ARPC5: variants seen among roughly 807,000 people sequenced by gnomAD.
The protein encoded by ARPC5 is actin-related protein 2/3 complex subunit 5.
In ARPC5, 5 loss-of-function variants were observed where a neutral mutation model predicts 15.4. The observed-to-expected ratio is 0.32, with a 90% CI of 0.17 to 0.68. The LOEUF is 0.68. Among genes scored for constraint, ARPC5 ranks in the 30% least tolerant of loss-of-function variants. The probability of loss-of-function intolerance (pLI) is 0.71; values close to 1 mark genes in which losing one functional copy is unlikely to be tolerated. For synonymous variants in ARPC5, 85 were observed against 72.2 expected (o/e 1.18, Z -0.90); for missense variants, 138 against 192.8 (o/e 0.72, Z 1.68).
At chr1:183,630,828 TC>T in intron 2 of ARPC5, 191 bp from the exon 3 acceptor site, 1 of 507,886 alleles carries the variant, frequency 2.0e-6, no homozygotes, top group Non-Finnish European at 3.3e-6. Flanking sequence ...TTCAGTGTGT[TC>T]CAGGAACAGA....
In ARPC5 at chr1:183,623,881, G is replaced by C. The variant is rs1649007688; in HGVS notation, c.*3651C>G. On this transcript the variant is annotated 3_prime_UTR_variant, in exon 4 of 4. Coordinates refer to ENST00000359856, the MANE Select transcript of ARPC5 (RefSeq NM_005717.4). ...CTCCTAAAAATACAAAAATTAGCTGGGCACGGTGATGCGTGCCTGTAATCC... is the reference window on the plus strand; with the variant it reads ...CTCCTAAAAATACAAAAATTAGCTGCGCACGGTGATGCGTGCCTGTAATCC... The C allele has an allele frequency of 9.3e-6, 2 of 215,316 alleles. No individual in the cohort carries two copies. Among genetic ancestry groups the C allele is most frequent in the Non-Finnish European group, 1.9e-5 (2 of 106,996 alleles). 13.3% of individuals were successfully genotyped at this position (215,316 alleles called of 1,614,324 possible).
intron 1 of ARPC5, chr1:183,634,068 C>G (rs2101958647): frequency 6.6e-6 from 1 of 152,288 alleles, no homozygotes. Flanking sequence ...AAAGTCACCA[C>G]AAATTACCTA....
intron 2 of ARPC5, 30 bp downstream of exon 2, chr1:183,633,052 G>C (rs1649312786): frequency 6.6e-7 from 1 of 1,514,498 alleles, no homozygotes; most frequent in African/African-American, 1.4e-5. Context: ...GATATCAGCA[G>C]AGATCACTGT....
chr1:183,623,459 A>G lies in ARPC5; in HGVS notation c.*4073T>C, dbSNP rs16861256. ...CCGGGCCTCCTCCATATCTGGAATC[A>G]TACAAGAGGCACCTGCACAGAACGT... On this transcript the variant is annotated 3_prime_UTR_variant, in exon 4 of 4. Coordinates refer to ENST00000359856, the MANE Select transcript of ARPC5 (RefSeq NM_005717.4). 0.04 allele frequency: 62,156 copies of G among 1,550,240 alleles called. 2,524 individuals carry two copies. The highest frequency in any genetic ancestry group is 0.21 in the African/African-American group (15,044 of 73,024).
In ARPC5 at chr1:183,635,660, C is replaced by G; in HGVS notation, c.-1G>C. 6 of 1,611,054 alleles carry G rather than the reference C, an allele frequency of 3.7e-6. No individual in the cohort carries two copies. Among genetic ancestry groups the G allele is most frequent in the Non-Finnish European group, 5.1e-6 (6 of 1,178,582 alleles). ...CCGACGACACTGTGTTCTTCGACAT[C>G]CCAATCCCGACCAGCGGCAAAGGCC... On this transcript the variant is annotated 5_prime_UTR_variant, in exon 1 of 4. Coordinates refer to ENST00000359856, the MANE Select transcript of ARPC5 (RefSeq NM_005717.4).
chr1:183,623,623 C>T lies in ARPC5; in HGVS notation c.*3909G>A, dbSNP rs1371467312. ...ACTTGGTTCTACAGAGGCCGTTGGT[C>T]TGTTCCTTAATTGGGTGTGTTTTTC... is the stretch of plus-strand genomic sequence containing the variant. On this transcript the variant is annotated 3_prime_UTR_variant, in exon 4 of 4. Transcript: ENST00000359856. The T allele has an allele frequency of 4.9e-6, 5 of 1,018,520 alleles. No individual in the cohort carries two copies. In the East Asian group the frequency reaches 1.0e-4, roughly 21 times the overall value. The allele number at this position is 1,018,520 out of a possible 1,614,324, so 63.1% of individuals were successfully genotyped here. A position where few individuals can be genotyped will look rare whatever the true frequency, so the allele number is the denominator to read the frequency against.
At position 183,623,258 on chromosome 1, in the gene ARPC5, T is replaced by C; in HGVS notation, c.*4274A>G. On this transcript the variant is annotated 3_prime_UTR_variant, in exon 4 of 4. Coordinates refer to ENST00000359856, the MANE Select transcript of ARPC5 (RefSeq NM_005717.4). ...AACTGTTTCAGAGAGAAATAAGAGA[T>C]GTAAACATAGATTATTTATGTTGAT... is the stretch of plus-strand genomic sequence containing the variant. 3.0e-6 allele frequency: 2 copies of C among 671,184 alleles called. No homozygotes were observed. The highest frequency in any genetic ancestry group is 2.7e-5 in the East Asian group (1 of 36,408). 41.6% of individuals were successfully genotyped at this position (671,184 alleles called of 1,614,324 possible).
chr1:183,621,380 A>G lies in ARPC5; in HGVS notation c.*6152T>C, dbSNP rs116742418. On this transcript the variant is annotated 3_prime_UTR_variant, in exon 4 of 4. Coordinates refer to ENST00000359856, the MANE Select transcript of ARPC5 (RefSeq NM_005717.4). Reference sequence around the variant, plus strand: ...AACTGCAAAAGATCAGAAACCACCTAAATCAATAGGGAAATGGTTAAGTAA... The same window carrying G: ...AACTGCAAAAGATCAGAAACCACCTGAATCAATAGGGAAATGGTTAAGTAA... 9.1e-4 allele frequency: 138 copies of G among 152,356 alleles called. No homozygotes were observed. Among genetic ancestry groups the G allele is most frequent in the African/African-American group, 3.3e-3 (138 of 41,584 alleles). The allele number at this position is 152,356 out of a possible 1,614,324, so 9.4% of individuals were successfully genotyped here. A position where few individuals can be genotyped will look rare whatever the true frequency, so the allele number is the denominator to read the frequency against.
chr1:183,623,390 G>A lies in ARPC5; in HGVS notation c.*4142C>T. The stretch of plus-strand genomic sequence containing the variant: ...GTTGGATCATCAATGTGGTGAAGTA[G>A]CACCACCTTGAGGCAGATGACATGC... On this transcript the variant is annotated 3_prime_UTR_variant, in exon 4 of 4. Coordinates refer to ENST00000359856, the MANE Select transcript of ARPC5 (RefSeq NM_005717.4). The A allele has an allele frequency of 6.5e-7, 1 of 1,546,370 alleles. No individual in the cohort carries two copies. The highest frequency in any genetic ancestry group is 8.7e-7 in the Non-Finnish European group (1 of 1,143,178).
chr1:183,622,882 T>C lies in ARPC5; in HGVS notation c.*4650A>G, dbSNP rs1227990022. 1 of 153,354 alleles carries C rather than the reference T, an allele frequency of 6.5e-6. No homozygotes were observed. The highest frequency in any genetic ancestry group is 1.9e-4 in the East Asian group (1 of 5,220). 9.5% of individuals were successfully genotyped at this position (153,354 alleles called of 1,614,324 possible). Reference sequence around the variant, plus strand: ...AGGGTATTTGAACCCAAGAATTATTTTACTCTTTGTATAGTTCTCAATTTG... The same window carrying C: ...AGGGTATTTGAACCCAAGAATTATTCTACTCTTTGTATAGTTCTCAATTTG... On this transcript the variant is annotated 3_prime_UTR_variant, in exon 4 of 4. Transcript: ENST00000359856.
In ARPC5 at chr1:183,627,421, C is replaced by A; in HGVS notation, c.*111G>T. ...TTACAGATATGAAAAAGCAAGAAGG[C>A]AAAGCTGAGAGAAACAGATGCTACC... is the stretch of plus-strand genomic sequence containing the variant. On this transcript the variant is annotated 3_prime_UTR_variant, in exon 4 of 4. Coordinates refer to ENST00000359856, the MANE Select transcript of ARPC5 (RefSeq NM_005717.4). 1 of 889,390 alleles carries A rather than the reference C, an allele frequency of 1.1e-6. No individual in the cohort carries two copies. The highest frequency in any genetic ancestry group is 2.0e-5 in the Admixed American group (1 of 49,482). The allele number at this position is 889,390 out of a possible 1,614,324, so 55.1% of individuals were successfully genotyped here.
Position 183,626,576 on chromosome 1 carries a change from T to C in ARPC5, c.*956A>G, listed in dbSNP as rs1348944663. 1 of 152,644 alleles carries C rather than the reference T, an allele frequency of 6.6e-6. No homozygotes were observed. The highest frequency in any genetic ancestry group is 2.4e-5 in the African/African-American group (1 of 41,462). 9.5% of individuals were successfully genotyped at this position (152,644 alleles called of 1,614,324 possible). On this transcript the variant is annotated 3_prime_UTR_variant, in exon 4 of 4. Transcript: ENST00000359856. The stretch of plus-strand genomic sequence containing the variant: ...TGGATCTGAACCAAATCTTTTGAGA[T>C]CCCAACTACCCTGAAGAACACTGAA...
chr1:183,633,818 T>C (rs754864332), intron 1 of ARPC5: 9 of 152,200 alleles, frequency 5.9e-5, no homozygotes, highest in Non-Finnish European at 5.9e-5. Context: ...AGGCTCTCTT[T>C]GAAAGCACTA....
rs1171632995 is a variant in ARPC5, at chr1:183,627,019, C to T, written c.*513G>A. ...ATAACTTAGCAGTGGTATTCACCCA[C>T]CACTTATTCCAAAAACATATTTTGC... On this transcript the variant is annotated 3_prime_UTR_variant, in exon 4 of 4. Transcript: ENST00000359856. 1.3e-5 allele frequency: 2 copies of T among 154,290 alleles called. No individual in the cohort carries two copies. Among genetic ancestry groups the T allele is most frequent in the African/African-American group, 2.4e-5 (1 of 41,436 alleles). The allele number at this position is 154,290 out of a possible 1,614,324, so 9.6% of individuals were successfully genotyped here.
At chr1:183,628,917 C>A (rs1410709010) in intron 3 of ARPC5, among the ~76,000 whole-genome samples, 1 of 152,166 alleles carries the variant, frequency 6.6e-6, no homozygotes, top group Non-Finnish European at 1.5e-5. Context: ...TTAAAGATAT[C>A]ATTTTGATGG....
intron 3 of ARPC5, among the ~76,000 whole-genome samples, chr1:183,629,034 C>A (rs1012952681): frequency 3.9e-5 from 6 of 152,156 alleles, no homozygotes; most frequent in African/African-American, 1.4e-4. Context: ...GCATTAGATA[C>A]GCTTGAACAG....
rs890453789 is a variant in ARPC5, at chr1:183,623,873, A to C, written c.*3659T>G. 19 of 219,436 alleles carry C rather than the reference A, an allele frequency of 8.7e-5. No homozygotes were observed. Among genetic ancestry groups the C allele is most frequent in the Non-Finnish European group, 1.6e-4 (17 of 109,342 alleles). The allele number at this position is 219,436 out of a possible 1,614,324, so 13.6% of individuals were successfully genotyped here. Reference sequence around the variant, plus strand: ...CCCCATCTCTCCTAAAAATACAAAAATTAGCTGGGCACGGTGATGCGTGCC... The same window carrying C: ...CCCCATCTCTCCTAAAAATACAAAACTTAGCTGGGCACGGTGATGCGTGCC... On this transcript the variant is annotated 3_prime_UTR_variant, in exon 4 of 4. Transcript: ENST00000359856.
rs2231241 is a variant in ARPC5, at chr1:183,627,568, G to A, written c.420C>T (p.Ser140=). 62,608 of 1,613,582 alleles carry A rather than the reference G, an allele frequency of 0.039. 2,306 individuals are homozygous for A. The highest frequency in any genetic ancestry group is 0.19 in the African/African-American group (13,962 of 74,906). Residue 140 remains serine, a synonymous_variant, in exon 4 of 4, where the codon TCC becomes TCT. Coordinates refer to ENST00000359856, the MANE Select transcript of ARPC5 (RefSeq NM_005717.4). ...TTCTTGCAGTCAAGACACGAACAATGGACCCTACTCCTCCAGCAGCAAGTG... is the reference window on the plus strand; with the variant it reads ...TTCTTGCAGTCAAGACACGAACAATAGACCCTACTCCTCCAGCAGCAAGTG... ...EKALAAGGVG[S]IVRVLTARKT... is the part of the protein sequence containing the mutation.
chr1:183,630,861 G>A, intron 2 of ARPC5: 1 of 436,026 alleles, frequency 2.3e-6, no homozygotes, highest in South Asian at 5.2e-5. Context: ...TGTGGTTGGA[G>A]TGGATTGGTG....
Sources: gnomAD v4.1 joint callset for allele counts (sites outside exome capture counted in the v4.1 genomes callset) on GRCh38, gnomAD v4.1.1 for gene constraint, MANE v1.5 for transcripts, NCBI Gene and HGNC (gene_info 2026-07-23, HGNC 2026-07-21) for gene names.